FAM110B: variants seen among roughly 807,000 people sequenced by gnomAD.
FAM110B encodes protein FAM110B.
In FAM110B, 6 loss-of-function variants were observed where a neutral mutation model predicts 20.4. The observed-to-expected ratio is 0.29, with a 90% CI of 0.16 to 0.58. The LOEUF (loss-of-function observed/expected upper bound fraction) is 0.58, where lower values mean the gene tolerates loss of function less well. FAM110B is among the 20% of genes least tolerant of loss of function. The pLI is 0.90. For missense variants in FAM110B, 434 were observed against 498.2 expected, an observed-to-expected ratio of 0.87 and a Z score of 1.23; for synonymous variants, 226 against 214.1, an observed-to-expected ratio of 1.06 and a Z score of -0.49.
At chr8:58,096,490 T>C (rs1806633496) in intron 3 of FAM110B, among the ~76,000 whole-genome samples, 1 of 152,214 alleles carries the variant, frequency 6.6e-6, no homozygotes, top group South Asian at 2.1e-4. Context: ...CTTGACTCTT[T>C]ATCCAATTTG....
chr8:58,119,113 A>G (rs766421851), intron 3 of FAM110B, among the ~76,000 whole-genome samples: 2 of 152,246 alleles, frequency 1.3e-5, no homozygotes, highest in Non-Finnish European at 2.9e-5. Context: ...AACCCAAAGC[A>G]GGCAGCATTC....
At chr8:57,995,902 A>G (rs1236623805) in intron 1 of FAM110B, among the ~76,000 whole-genome samples, 1 of 152,218 alleles carries the variant, frequency 6.6e-6, no homozygotes, top group Non-Finnish European at 1.5e-5. Context: ...TCTATTTCTC[A>G]AAAGGGAATA....
intron 2 of FAM110B, among the ~76,000 whole-genome samples, chr8:58,074,375 A>G (rs1487305487): frequency 6.6e-6 from 1 of 151,802 alleles, no homozygotes; most frequent in Non-Finnish European, 1.5e-5. Flanking sequence ...TCACAGCCAC[A>G]CCAACCTCCT....
chr8:58,100,293 A>C (rs1465874132), intron 3 of FAM110B, among the ~76,000 whole-genome samples: 1 of 148,620 alleles, frequency 6.7e-6, no homozygotes, highest in Non-Finnish European at 1.5e-5. Flanking sequence ...GGGGTACTGG[A>C]GTTATTCCCA....
intron 2 of FAM110B, among the ~76,000 whole-genome samples, chr8:58,049,968 T>G (rs771125516): frequency 6.6e-6 from 1 of 152,210 alleles, no homozygotes; most frequent in Non-Finnish European, 1.5e-5. Context: ...ATGAACACTT[T>G]TCCTAATATA....
chr8:58,022,063 C>G (rs1199354396), intron 1 of FAM110B, among the ~76,000 whole-genome samples: 1 of 152,156 alleles, frequency 6.6e-6, no homozygotes. Flanking sequence ...TGGTGCTAGT[C>G]TCTCTGAATC....
intron 3 of FAM110B, among the ~76,000 whole-genome samples, chr8:58,131,419 C>G (rs572028690): frequency 1.3e-5 from 2 of 152,248 alleles, no homozygotes; most frequent in African/African-American, 4.8e-5. Flanking sequence ...CCACTGCTCC[C>G]AGCCCATGCT....
At chr8:58,013,042 G>A (rs1159279580) in intron 1 of FAM110B, among the ~76,000 whole-genome samples, 2 of 152,130 alleles carry the variant, frequency 1.3e-5, no homozygotes, top group Non-Finnish European at 2.9e-5. Context: ...TGTCACTTCT[G>A]TCAAATCCTC....
chr8:58,056,995 G>A (rs1467865703), intron 2 of FAM110B, among the ~76,000 whole-genome samples: 1 of 152,192 alleles, frequency 6.6e-6, no homozygotes, highest in African/African-American at 2.4e-5. Flanking sequence ...TTTCTGTCTA[G>A]AGCTGCAACA....
At chr8:58,005,063 G>C (rs377146665) in intron 1 of FAM110B, among the ~76,000 whole-genome samples, 1 of 152,168 alleles carries the variant, frequency 6.6e-6, no homozygotes, top group Admixed American at 6.6e-5. Flanking sequence ...TTGACCTGTC[G>C]TGGCTTTTGA....
intron 2 of FAM110B, among the ~76,000 whole-genome samples, chr8:58,065,395 C>T (rs1450407407): frequency 6.6e-6 from 1 of 152,090 alleles, no homozygotes; most frequent in East Asian, 1.9e-4. Context: ...ATCCCAGGTA[C>T]TTTAGGTAGT....
At chr8:58,084,181 A>G (rs1806272369) in intron 3 of FAM110B, among the ~76,000 whole-genome samples, 2 of 152,208 alleles carry the variant, frequency 1.3e-5, no homozygotes, top group Non-Finnish European at 2.9e-5. Flanking sequence ...CATCTGAATC[A>G]TATATAGTGG....
At chr8:58,094,981 A>G (rs1393181432) in intron 3 of FAM110B, among the ~76,000 whole-genome samples, 14 of 151,920 alleles carry the variant, frequency 9.2e-5, no homozygotes, top group Admixed American at 9.2e-4. Context: ...GACTTGGGAG[A>G]GTGTATGTGT....
chr8:58,070,961 A>C (rs1025778172), intron 2 of FAM110B, among the ~76,000 whole-genome samples: 3 of 152,164 alleles, frequency 2.0e-5, no homozygotes, highest in Non-Finnish European at 4.4e-5. Context: ...ATTCTGCCAG[A>C]GATATTTAAA....
At chr8:58,040,760 C>CT (rs1259206177) in intron 2 of FAM110B, among the ~76,000 whole-genome samples, 5 of 151,496 alleles carry the variant, frequency 3.3e-5, no homozygotes, top group East Asian at 1.9e-4. Flanking sequence ...GCAGGATCAG[C>CT]TTTTTTAAAA....
chr8:58,082,568 G>A (rs1212572183), intron 3 of FAM110B, among the ~76,000 whole-genome samples: 3 of 152,204 alleles, frequency 2.0e-5, no homozygotes, highest in Non-Finnish European at 4.4e-5. Flanking sequence ...TTAAGTTACA[G>A]TAAAATTTTT....
chr8:58,013,729 C>G (rs1014943502), intron 1 of FAM110B, among the ~76,000 whole-genome samples: 6 of 152,186 alleles, frequency 3.9e-5, no homozygotes, highest in African/African-American at 1.4e-4. Context: ...GTTGCTATTG[C>G]TATTTCTGGC....
intron 1 of FAM110B, among the ~76,000 whole-genome samples, chr8:58,024,791 C>G (rs1222270771): frequency 1.3e-5 from 2 of 152,182 alleles, no homozygotes; most frequent in East Asian, 3.9e-4. Context: ...GTTAGTTGCT[C>G]AAGGTCACAT....
intron 3 of FAM110B, among the ~76,000 whole-genome samples, chr8:58,089,057 A>C (rs1423125490): frequency 1.3e-5 from 2 of 152,228 alleles, no homozygotes; most frequent in Non-Finnish European, 2.9e-5. Flanking sequence ...AGGAGAGGCT[A>C]AAGTAAAAAC....
Sources: gnomAD v4.1 joint callset for allele counts (sites outside exome capture counted in the v4.1 genomes callset) on GRCh38, gnomAD v4.1.1 for gene constraint, MANE v1.5 for transcripts, NCBI Gene and HGNC (gene_info 2026-07-23, HGNC 2026-07-21) for gene names.